The following GRID1 variants were observed in gnomAD, a reference collection of about 807,000 sequenced individuals.
GRID1 encodes the protein glutamate receptor ionotropic, delta-1.
GRID1 carries 28 observed loss-of-function variants against 98.0 expected under a neutral mutation model. The observed-to-expected ratio is 0.29, with a 90% CI of 0.21 to 0.39. GRID1 has a LOEUF of 0.39. Ranked by LOEUF, GRID1 falls within the 10% of genes least tolerant of loss-of-function variation. The pLI is 1.00. For synonymous variants in GRID1, 553 were observed against 538.5 expected (o/e 1.03, Z -0.37); for missense variants, 1,111 against 1,340.5 (o/e 0.83, Z 2.67).
intron 8 of GRID1, among the ~76,000 whole-genome samples, chr10:85,767,018 G>A (rs2132705163): frequency 6.6e-6 from 1 of 152,106 alleles, no homozygotes; most frequent in South Asian, 2.1e-4. Flanking sequence ...TGCCCCTCTT[G>A]TTTCCTGTAG....
At chr10:86,232,877 G>C (rs1188891185) in intron 2 of GRID1, among the ~76,000 whole-genome samples, 1 of 152,138 alleles carries the variant, frequency 6.6e-6, no homozygotes, top group Non-Finnish European at 1.5e-5. Context: ...CAGCAGAGTA[G>C]CCTGCAACTT....
rs546028764 is a variant in GRID1, at chr10:85,726,845, G to C, written c.1533+1010C>G. Among the ~76,000 whole-genome samples the C allele has an allele frequency of 3.9e-5, 6 of 152,266 alleles. No homozygotes were observed. In the East Asian group the frequency reaches 1.2e-3, roughly 29 times the overall value. On this transcript the variant is annotated intron_variant, in intron 10 of 15. Coordinates refer to ENST00000327946, the MANE Select transcript of GRID1 (RefSeq NM_017551.3). ...ATTCTAAAACCAGATTATAATGAAGGTTGCACAACCCGGTATCTTTACTAA... is the reference window on the plus strand; with the variant it reads ...ATTCTAAAACCAGATTATAATGAAGCTTGCACAACCCGGTATCTTTACTAA...
chr10:86,102,266 G>C (rs565220737), intron 4 of GRID1, among the ~76,000 whole-genome samples: 1 of 152,260 alleles, frequency 6.6e-6, no homozygotes, highest in Non-Finnish European at 1.5e-5. Context: ...CAGGTCAGGA[G>C]GCTGATGCCA....
intron 8 of GRID1, among the ~76,000 whole-genome samples, chr10:85,731,784 A>G (rs59566280): frequency 0.026 from 3,505 of 134,226 alleles, 144 homozygotes; most frequent in African/African-American, 0.092. Context: ...CCTGGGCAAC[A>G]GAGTGAGACC....
intron 2 of GRID1, among the ~76,000 whole-genome samples, chr10:86,237,129 G>T (rs893444782): frequency 6.6e-6 from 1 of 152,078 alleles, no homozygotes. Context: ...TTCTCACTAC[G>T]CTCCTGGGAG....
At chr10:86,319,029 T>A (rs4934180) in intron 2 of GRID1, among the ~76,000 whole-genome samples, 124,601 of 152,100 alleles carry the variant, frequency 0.82, 51,934 homozygotes, top group Non-Finnish European at 0.9. Context: ...GGGAAGCCAT[T>A]TGAATGTCCC....
intron 8 of GRID1, among the ~76,000 whole-genome samples, chr10:85,752,209 C>T (rs1201892594): frequency 6.6e-6 from 1 of 152,166 alleles, no homozygotes; most frequent in African/African-American, 2.4e-5. Context: ...CATCCCAGAG[C>T]TGGCCCTGAG....
At chr10:85,634,502 C>T (rs1843014327) in intron 13 of GRID1, among the ~76,000 whole-genome samples, 1 of 151,850 alleles carries the variant, frequency 6.6e-6, no homozygotes, top group South Asian at 2.1e-4. Context: ...GTAGTAATAA[C>T]AAAAAGACAC....
chr10:85,737,572 C>G (rs2132668397), intron 8 of GRID1, among the ~76,000 whole-genome samples: 1 of 149,054 alleles, frequency 6.7e-6, no homozygotes, highest in Non-Finnish European at 1.5e-5. Flanking sequence ...AGGATGGAGG[C>G]AGGCAGTTCC....
At chr10:85,725,349 C>T (rs1484985156) in intron 10 of GRID1, among the ~76,000 whole-genome samples, 1 of 152,204 alleles carries the variant, frequency 6.6e-6, no homozygotes, top group Non-Finnish European at 1.5e-5. Context: ...CAGGTTTATT[C>T]TTCCATGGTA....
intron 4 of GRID1, among the ~76,000 whole-genome samples, chr10:86,113,564 T>A (rs1367316539): frequency 1.3e-5 from 2 of 152,174 alleles, no homozygotes; most frequent in East Asian, 3.8e-4. Context: ...CTTCACCACA[T>A]GATATTATTT....
At chr10:86,337,155 T>C (rs1848234297) in intron 2 of GRID1, among the ~76,000 whole-genome samples, 1 of 152,118 alleles carries the variant, frequency 6.6e-6, no homozygotes, top group Non-Finnish European at 1.5e-5. Context: ...CCGGCCAGCC[T>C]GGCCCACTCT....
intron 8 of GRID1, among the ~76,000 whole-genome samples, chr10:85,730,169 C>T (rs989122248): frequency 5.3e-5 from 8 of 152,220 alleles, no homozygotes; most frequent in African/African-American, 1.7e-4. Context: ...CCTTGACAGG[C>T]AGGTAGAGGC....
chr10:86,012,424 G>T (rs1212320384), intron 4 of GRID1, among the ~76,000 whole-genome samples: 2 of 152,144 alleles, frequency 1.3e-5, no homozygotes, highest in African/African-American at 2.4e-5. Context: ...TCTAACCCAT[G>T]GAGAGAGCTG....
chr10:85,810,508 G>A (rs749913658), intron 8 of GRID1, among the ~76,000 whole-genome samples: 3 of 152,142 alleles, frequency 2.0e-5, no homozygotes, highest in Non-Finnish European at 4.4e-5. Flanking sequence ...CCTGACTCTA[G>A]CAGAGAAGGC....
At chr10:85,817,420 A>G (rs554710086) in intron 8 of GRID1, among the ~76,000 whole-genome samples, 1 of 152,130 alleles carries the variant, frequency 6.6e-6, no homozygotes, top group South Asian at 2.1e-4. Flanking sequence ...CAGCTACTCA[A>G]GAGGCTGAGG....
chr10:86,008,864 C>T (rs931161503), intron 4 of GRID1, among the ~76,000 whole-genome samples: 5 of 152,066 alleles, frequency 3.3e-5, no homozygotes, highest in Admixed American at 1.3e-4. Context: ...AGCGATCCAG[C>T]GCCACTCCAA....
intron 4 of GRID1, among the ~76,000 whole-genome samples, chr10:85,921,467 C>A (rs999716951): frequency 6.6e-6 from 1 of 152,236 alleles, no homozygotes; most frequent in South Asian, 2.1e-4. Context: ...AGGACACCAA[C>A]AGGCCATTCT....
intron 3 of GRID1, among the ~76,000 whole-genome samples, chr10:86,180,156 G>A (rs1351052748): frequency 1.3e-5 from 2 of 152,122 alleles, no homozygotes; most frequent in Non-Finnish European, 2.9e-5. Context: ...AGAGGTGGCC[G>A]CCAGCTAGCT....
Sources: allele counts gnomAD v4.1 joint callset (sites outside exome capture counted in the v4.1 genomes callset), GRCh38; gene constraint gnomAD v4.1.1; transcripts MANE v1.5; gene names NCBI Gene and HGNC (gene_info 2026-07-23, HGNC 2026-07-21).